Variants in ANKRD30A observed in about 807,000 individuals in gnomAD.
The protein encoded by ANKRD30A is ankyrin repeat domain 30A, also known as ankyrin repeat domain-containing protein 30A.
Under a neutral mutation model 166.3 loss-of-function variants are expected in ANKRD30A, and 170 were observed. That is an observed-to-expected ratio of 1.02 (90% confidence interval 0.90 to 1.16). ANKRD30A has a LOEUF of 1.16. ANKRD30A is among the 50% of genes most tolerant of loss of function. The probability of loss-of-function intolerance (pLI) is 0.00; values close to 1 mark genes in which losing one functional copy is unlikely to be tolerated. For missense variants in ANKRD30A, 1,630 were observed against 1,518.0 expected (o/e 1.07, Z -1.23); for synonymous variants, 564 against 508.9 (o/e 1.11, Z -1.46).
chr10:37,179,013 A>AATATATATATATATAT (rs139390228), intron 24 of ANKRD30A, among the ~76,000 whole-genome samples: 2 of 116,832 alleles, frequency 1.7e-5, no homozygotes, highest in Non-Finnish European at 1.8e-5. Flanking sequence ...TGAGGCGTCA[A>AATATATATATATATAT]ATATATATAT....
chr10:37,196,417 G>A (rs1290397379), intron 27 of ANKRD30A, among the ~76,000 whole-genome samples: 1 of 152,086 alleles, frequency 6.6e-6, no homozygotes, highest in Non-Finnish European at 1.5e-5. Context: ...TTGGGTTTAT[G>A]TTTAAGGAAG....
intron 31 of ANKRD30A, among the ~76,000 whole-genome samples, chr10:37,213,838 G>T (rs1355726195): frequency 6.6e-6 from 1 of 151,306 alleles, no homozygotes. Flanking sequence ...TTTTTAATTT[G>T]ATTGCTTTTG....
In ANKRD30A at chr10:37,193,100, C is replaced by G. The variant is rs1178679716; in HGVS notation, c.2541+8C>G. ...AATGATGGTTTTCTGAAGGTAATAA[C>G]TTTTATATTTTTATCTTGAGTATTA... On this transcript the variant is annotated splice_region_variant and intron_variant, in intron 26 of 35. Coordinates refer to ENST00000361713, the MANE Select transcript of ANKRD30A (RefSeq NM_052997.3). 8 of 1,604,612 alleles carry G rather than the reference C, an allele frequency of 5.0e-6. No individual in the cohort carries two copies. Among genetic ancestry groups the G allele is most frequent in the East Asian group, 2.2e-5 (1 of 44,708 alleles).
chr10:37,149,146 G>A (rs1439410833), intron 9 of ANKRD30A, among the ~76,000 whole-genome samples: 1 of 151,838 alleles, frequency 6.6e-6, no homozygotes, highest in Non-Finnish European at 1.5e-5. Flanking sequence ...ATATGGTTAT[G>A]GAAAACAATG....
rs1838568152 is a variant in ANKRD30A, at chr10:37,158,553, T to G, written c.1867T>G (p.Leu623Val). ...GAAAGTTTCTATTCCAACTAAAGCCTTAGAATTGAAGGACATGCAAACTTT... is the reference window on the plus strand; with the variant it reads ...GAAAGTTTCTATTCCAACTAAAGCCGTAGAATTGAAGGACATGCAAACTTT... ...GMKVSIPTKALELKDMQTFKA... is the reference protein window; with the variant it reads ...GMKVSIPTKAVELKDMQTFKA... Residue 623 changes from leucine to valine, a missense_variant, in exon 15 of 36, where the codon TTA (leucine) becomes GTA (valine). Leu to Val is a conservative substitution (Grantham distance 32). Around this residue, in one of 4 missense-constraint regions of ANKRD30A, gnomAD observed 904 missense variants for 818.5 expected, o/e 1.10. Transcript: ENST00000361713. 6.2e-7 allele frequency: 1 copy of G among 1,613,408 alleles called. No homozygotes were observed. The highest frequency in any genetic ancestry group is 1.7e-5 in the Admixed American group (1 of 59,992).
chr10:37,242,836 C>T, the ANKRD30A span, among the ~76,000 whole-genome samples: 1 of 152,156 alleles, frequency 6.6e-6, no homozygotes, highest in Non-Finnish European at 1.5e-5. Context: ...GAGCTCACTG[C>T]AACAGTACCA....
At chr10:37,162,996 G>C in intron 17 of ANKRD30A, 148 bp downstream of exon 17, 3 of 1,090,004 alleles carry the variant, frequency 2.8e-6, no homozygotes, top group Non-Finnish European at 3.9e-6. Context: ...TGTTTGAAAA[G>C]CTGGTATTAC....
chr10:37,155,467 T>A (rs915210755), intron 13 of ANKRD30A, among the ~76,000 whole-genome samples: 2 of 152,202 alleles, frequency 1.3e-5, no homozygotes, highest in African/African-American at 4.8e-5. Flanking sequence ...AGCTGAACTC[T>A]CATCTGAACT....
Position 37,164,341 on chromosome 10 carries a change from G to A in ANKRD30A, c.2003-753G>A, listed in dbSNP as rs533200397. Among the ~76,000 whole-genome samples, 60 of 147,634 alleles carry A rather than the reference G, an allele frequency of 4.1e-4. 1 individual carries two copies. The highest frequency in any genetic ancestry group is 1.3e-3 in the African/African-American group (53 of 39,690). On this transcript the variant is annotated intron_variant, in intron 17 of 35. Transcript: ENST00000361713. ...CTGAGAACTCGTCAAGTCTTGAGTGGGCCTTGATTTTATCCTATTACACGT... is the reference window on the plus strand; with the variant it reads ...CTGAGAACTCGTCAAGTCTTGAGTGAGCCTTGATTTTATCCTATTACACGT...
intron 11 of ANKRD30A, among the ~76,000 whole-genome samples, chr10:37,150,599 G>A (rs1459135306): frequency 3.9e-5 from 6 of 151,946 alleles, no homozygotes; most frequent in Non-Finnish European, 7.4e-5. Context: ...TGCATACATG[G>A]TTGTACGGTG....
intron 1 of ANKRD30A, among the ~76,000 whole-genome samples, chr10:37,127,423 G>T (rs1399327588): frequency 1.3e-5 from 2 of 151,962 alleles, no homozygotes; most frequent in African/African-American, 4.8e-5. Flanking sequence ...ACTCTGAAGG[G>T]CAATTTAGTA....
chr10:37,196,125 T>C (rs1841083458), intron 27 of ANKRD30A, among the ~76,000 whole-genome samples: 2 of 142,538 alleles, frequency 1.4e-5, no homozygotes, highest in Admixed American at 7.4e-5. Flanking sequence ...AGTAGAAGCA[T>C]TCTAGGCAGG....
At chr10:37,256,048 A>G in the ANKRD30A span, among the ~76,000 whole-genome samples, 2 of 151,864 alleles carry the variant, frequency 1.3e-5, no homozygotes, top group African/African-American at 2.4e-5. Context: ...CTTTGTGGTG[A>G]TCTTTGGGCT....
chr10:37,159,813 G>A (rs1295195611), intron 15 of ANKRD30A, among the ~76,000 whole-genome samples: 4 of 152,056 alleles, frequency 2.6e-5, no homozygotes, highest in Non-Finnish European at 5.9e-5. Context: ...TCCTGCCTCA[G>A]CCTCCCGAGT....
chr10:37,191,531 G>A (rs1220681150), intron 25 of ANKRD30A, among the ~76,000 whole-genome samples: 2 of 151,900 alleles, frequency 1.3e-5, no homozygotes, highest in African/African-American at 2.4e-5. Context: ...TTTTCTCAGT[G>A]TCATGATTTG....
chr10:37,199,740 T>G lies in ANKRD30A; in HGVS notation c.2730T>G (p.Pro910=). The change falls in exon 30 of 36, where the codon CCT becomes CCG. Residue 910 remains proline, a synonymous_variant. Coordinates refer to ENST00000361713, the MANE Select transcript of ANKRD30A (RefSeq NM_052997.3). ...EQTLRADQMF[P]SESKQKKVEE... ...AACCTTTTATAGATCAGATGTTCCC[T>G]TCAGAATCAAAACAAAAGAAGGTTG... 6.4e-7 allele frequency: 1 copy of G among 1,566,550 alleles called. No individual in the cohort carries two copies. Among genetic ancestry groups the G allele is most frequent in the Non-Finnish European group, 8.7e-7 (1 of 1,146,564 alleles).
chr10:37,138,188 TAACA>T (rs1030162234), intron 6 of ANKRD30A, among the ~76,000 whole-genome samples: 21 of 152,000 alleles, frequency 1.4e-4, no homozygotes, highest in Non-Finnish European at 2.5e-4. Context: ...GAAGGAAAAC[TAACA>T]AACAGAAAGG....
chr10:37,212,506 T>A (rs1047244430), intron 31 of ANKRD30A, among the ~76,000 whole-genome samples: 2 of 152,020 alleles, frequency 1.3e-5, no homozygotes, highest in African/African-American at 4.8e-5. Context: ...CTTCACAGAA[T>A]TGGAAAAACT....
At chr10:37,199,891 G>A (rs751038088) in intron 30 of ANKRD30A, 103 bp downstream of exon 30, 6 of 611,606 alleles carry the variant, frequency 9.8e-6, no homozygotes, top group East Asian at 3.3e-5. Flanking sequence ...TATGTCACCC[G>A]CAAATTATTT....
Sources: gnomAD v4.1 joint callset for allele counts (sites outside exome capture counted in the v4.1 genomes callset) on GRCh38, gnomAD v4.1.1 for gene constraint, gnomAD v4.1.1 regional missense constraint, MANE v1.5 for transcripts, NCBI Gene and HGNC (gene_info 2026-07-23, HGNC 2026-07-21) for gene names.